Variants in CDS1 observed in about 807,000 individuals in gnomAD.
CDS1 encodes the protein phosphatidate cytidylyltransferase 1.
Under a neutral mutation model 62.1 loss-of-function variants are expected in CDS1, and 41 were observed. The ratio of observed to expected loss-of-function variants is 0.66; its 90% CI spans 0.51 to 0.86. The LOEUF (loss-of-function observed/expected upper bound fraction) is 0.86. Ranked by LOEUF, CDS1 falls within the 40% of genes least tolerant of loss-of-function variation. The pLI is 0.00. For missense variants in CDS1, 470 were observed against 550.1 expected, an observed-to-expected ratio of 0.85 and a Z score of 1.46; for synonymous variants, 185 against 192.6, an observed-to-expected ratio of 0.96 and a Z score of 0.32.
At chr4:84,608,574 G>C (rs571715566) in intron 2 of CDS1, among the ~76,000 whole-genome samples, 14 of 152,290 alleles carry the variant, frequency 9.2e-5, no homozygotes, top group African/African-American at 3.4e-4. Context: ...ATCCTCAGTG[G>C]CTGACCTCTT....
intron 1 of CDS1, among the ~76,000 whole-genome samples, chr4:84,591,715 G>A (rs535081927): frequency 9.5e-4 from 144 of 152,248 alleles, no homozygotes; most frequent in African/African-American, 3.3e-3. Flanking sequence ...CAGCCTAAAT[G>A]CCCTGCTCAG....
intron 12 of CDS1, among the ~76,000 whole-genome samples, chr4:84,646,633 G>A (rs895949230): frequency 3.3e-5 from 5 of 151,986 alleles, no homozygotes; most frequent in African/African-American, 4.8e-5. Context: ...CACTGTGGTC[G>A]GAAAACATAC....
chr4:84,640,750 T>C, intron 9 of CDS1, 88 bp from the exon 10 acceptor site: 2 of 1,052,336 alleles, frequency 1.9e-6, no homozygotes, highest in Non-Finnish European at 2.5e-6. Flanking sequence ...GCCTTTCTGA[T>C]GTATAACTTA....
At chr4:84,619,285 T>A (rs1578037128) in intron 4 of CDS1, 109 bp from the exon 5 acceptor site, 2 of 527,872 alleles carry the variant, frequency 3.8e-6, no homozygotes, top group East Asian at 6.5e-5. Flanking sequence ...ATTGGTCTTC[T>A]GAACTTTGTT....
chr4:84,629,955 A>G (rs1012427745), intron 5 of CDS1, among the ~76,000 whole-genome samples: 2 of 152,208 alleles, frequency 1.3e-5, no homozygotes, highest in African/African-American at 4.8e-5. Flanking sequence ...GATATTGAGA[A>G]GTTCCCAAGG....
intron 5 of CDS1, among the ~76,000 whole-genome samples, chr4:84,622,838 G>C (rs941952428): frequency 6.6e-6 from 1 of 151,908 alleles, no homozygotes; most frequent in Non-Finnish European, 1.5e-5. Context: ...TTCATATTCA[G>C]TTTTTTTATA....
At position 84,604,253 on chromosome 4, in the gene CDS1, T is replaced by G; in HGVS notation, c.128T>G (p.Ile43Ser). ...TCTTTTTAATTTTAGGAAACAGATA[T>G]TGATGACAGATATGGAGATTTGGAT... is the stretch of plus-strand genomic sequence containing the variant. ...TESTSDKETDIDDRYGDLDSR... is the reference protein window; with the variant it reads ...TESTSDKETDSDDRYGDLDSR... The change falls in exon 2 of 13, where the codon ATT becomes AGT. Residue 43 changes from isoleucine (I) to serine (S), a missense_variant. Around this residue, in one of 5 missense-constraint regions of CDS1, gnomAD observed 150 missense variants for 142.0 expected, o/e 1.06. Transcript: ENST00000295887. The G allele has an allele frequency of 6.2e-7, 1 of 1,609,088 alleles. No individual in the cohort carries two copies. Among genetic ancestry groups the G allele is most frequent in the Non-Finnish European group, 8.5e-7 (1 of 1,178,548 alleles).
intron 1 of CDS1, among the ~76,000 whole-genome samples, chr4:84,589,284 A>G (rs368637509): frequency 2.0e-5 from 3 of 152,202 alleles, no homozygotes; most frequent in African/African-American, 4.8e-5. Flanking sequence ...TTGTTCCACT[A>G]TCCATTTACT....
intron 2 of CDS1, among the ~76,000 whole-genome samples, chr4:84,604,674 C>T (rs1348253441): frequency 4.6e-5 from 7 of 152,178 alleles, no homozygotes; most frequent in Middle Eastern, 3.2e-3. Flanking sequence ...CTATTTACCA[C>T]GTCACATTGC....
intron 1 of CDS1, among the ~76,000 whole-genome samples, chr4:84,586,409 G>A (rs1009823529): frequency 1.3e-5 from 2 of 152,172 alleles, no homozygotes; most frequent in Non-Finnish European, 1.5e-5. Flanking sequence ...GGTGATGGGA[G>A]ACAGTGACAG....
At chr4:84,637,501 G>GA (rs1436968292) in intron 8 of CDS1, among the ~76,000 whole-genome samples, 13 of 152,228 alleles carry the variant, frequency 8.5e-5, no homozygotes, top group Non-Finnish European at 1.6e-4. Flanking sequence ...GATATCATGA[G>GA]AACTCATGGG....
chr4:84,588,184 G>A (rs1261855737), intron 1 of CDS1, among the ~76,000 whole-genome samples: 1 of 152,206 alleles, frequency 6.6e-6, no homozygotes, highest in Non-Finnish European at 1.5e-5. Flanking sequence ...GGGAGCACAC[G>A]TGGAATAGTG....
intron 5 of CDS1, among the ~76,000 whole-genome samples, chr4:84,630,649 T>A (rs115886785): frequency 0.011 from 1,723 of 152,222 alleles, 26 homozygotes; most frequent in African/African-American, 0.04. Context: ...TCTTTAAAGA[T>A]ACTGCAGAGG....
intron 9 of CDS1, 68 bp downstream of exon 9, chr4:84,639,060 T>C: frequency 1.4e-6 from 1 of 715,066 alleles, no homozygotes; most frequent in Non-Finnish European, 2.2e-6. Context: ...CTGGTCTAAT[T>C]TTAAACCTAG....
intron 7 of CDS1, among the ~76,000 whole-genome samples, chr4:84,634,603 T>C (rs1040800830): frequency 2.0e-5 from 3 of 152,234 alleles, no homozygotes; most frequent in East Asian, 1.9e-4. Context: ...TCAAGATAAA[T>C]TGTATTCCCT....
At chr4:84,629,968 G>C (rs1011686502) in intron 5 of CDS1, among the ~76,000 whole-genome samples, 1 of 152,174 alleles carries the variant, frequency 6.6e-6, no homozygotes, top group South Asian at 2.1e-4. Flanking sequence ...TCCCAAGGCT[G>C]TGCTGGGAGA....
chr4:84,612,602 TTTTG>T (rs1191473735), intron 3 of CDS1, among the ~76,000 whole-genome samples: 1 of 152,238 alleles, frequency 6.6e-6, no homozygotes, highest in African/African-American at 2.4e-5. Flanking sequence ...ACTTGAGTTT[TTTTG>T]TTTATTTTTT....
chr4:84,617,754 C>A, intron 4 of CDS1, 93 bp downstream of exon 4: 1 of 550,668 alleles, frequency 1.8e-6, no homozygotes. Flanking sequence ...ACTCAATTTA[C>A]CCTATAGATT....
At chr4:84,598,008 C>A (rs1296528647) in intron 1 of CDS1, among the ~76,000 whole-genome samples, 1 of 151,914 alleles carries the variant, frequency 6.6e-6, no homozygotes, top group Non-Finnish European at 1.5e-5. Context: ...CGCCTGTAGT[C>A]CCAGCTACTC....
Sources: gnomAD v4.1 joint callset for allele counts (sites outside exome capture counted in the v4.1 genomes callset) on GRCh38, gnomAD v4.1.1 for gene constraint, gnomAD v4.1.1 regional missense constraint, MANE v1.5 for transcripts, NCBI Gene and HGNC (gene_info 2026-07-23, HGNC 2026-07-21) for gene names.